CNTN4: variants seen among roughly 807,000 people sequenced by gnomAD.
CNTN4 encodes contactin-4.
CNTN4 carries 77 observed loss-of-function variants against 122.5 expected under a neutral mutation model. That is an observed-to-expected ratio of 0.63 (90% CI 0.52 to 0.76). CNTN4 has a LOEUF of 0.76. Ranked by LOEUF, CNTN4 falls within the 30% of genes least tolerant of loss-of-function variation. CNTN4 has a pLI of 0.00. For missense variants in CNTN4, 1,256 were observed against 1,259.1 expected (o/e 1.00, Z 0.04); for synonymous variants, 512 against 447.0 (o/e 1.15, Z -1.83).
At chr3:2,107,384 G>A (rs1241199306) in intron 2 of CNTN4, among the ~76,000 whole-genome samples, 1 of 152,160 alleles carries the variant, frequency 6.6e-6, no homozygotes, top group Non-Finnish European at 1.5e-5. Context: ...TAAAATCATG[G>A]TGGAAGGGGA....
intron 4 of CNTN4, among the ~76,000 whole-genome samples, chr3:2,704,142 CAA>C (rs2086515332): frequency 6.6e-6 from 1 of 151,270 alleles, no homozygotes; most frequent in Non-Finnish European, 1.5e-5. Context: ...ACTAAAAATA[CAA>C]AAATTAGCCA....
chr3:2,969,191 C>G (rs941639264), intron 13 of CNTN4, among the ~76,000 whole-genome samples: 2 of 152,160 alleles, frequency 1.3e-5, no homozygotes, highest in African/African-American at 4.8e-5. Context: ...TTGTTGGTTT[C>G]ATTCTTAGCC....
At chr3:2,191,701 T>TACACAC (rs1335159198) in intron 2 of CNTN4, among the ~76,000 whole-genome samples, 46 of 32,022 alleles carry the variant, frequency 1.4e-3, no homozygotes, top group Non-Finnish European at 3.0e-3. Flanking sequence ...TATGTATATA[T>TACACAC]ATATATATAC....
chr3:2,947,151 T>C (rs1349251897), intron 13 of CNTN4, among the ~76,000 whole-genome samples: 2 of 152,214 alleles, frequency 1.3e-5, no homozygotes, highest in Non-Finnish European at 2.9e-5. Context: ...TGTTTTCGCA[T>C]TGTAGTTTTT....
chr3:2,581,989 G>C (rs1396915696), intron 4 of CNTN4, among the ~76,000 whole-genome samples: 1 of 152,202 alleles, frequency 6.6e-6, no homozygotes, highest in Non-Finnish European at 1.5e-5. Flanking sequence ...CAGAGCCAAG[G>C]AGTGAGGGAG....
intron 3 of CNTN4, among the ~76,000 whole-genome samples, chr3:2,420,501 T>G (rs2047575451): frequency 6.6e-6 from 1 of 151,900 alleles, no homozygotes; most frequent in Non-Finnish European, 1.5e-5. Flanking sequence ...AGTGGCACAA[T>G]CTCGGGTCAC....
intron 13 of CNTN4, among the ~76,000 whole-genome samples, chr3:2,968,918 C>T (rs77988352): frequency 0.025 from 3,812 of 152,298 alleles, 63 homozygotes; most frequent in Non-Finnish European, 0.038. Flanking sequence ...CTTCAGGTTG[C>T]AAATGACTGA....
intron 3 of CNTN4, among the ~76,000 whole-genome samples, chr3:2,562,892 T>G (rs1184086737): frequency 6.6e-6 from 1 of 151,754 alleles, no homozygotes; most frequent in Non-Finnish European, 1.5e-5. Context: ...GCTGGCTAAC[T>G]TTTAAATTTT....
intron 2 of CNTN4, among the ~76,000 whole-genome samples, chr3:2,244,102 A>G (rs747124603): frequency 1.3e-5 from 2 of 152,062 alleles, no homozygotes; most frequent in Non-Finnish European, 2.9e-5. Context: ...TATATATACT[A>G]TGTTTTTCCT....
chr3:2,837,197 C>CA (rs1003936964), intron 7 of CNTN4, among the ~76,000 whole-genome samples: 20 of 151,864 alleles, frequency 1.3e-4, no homozygotes, highest in African/African-American at 1.5e-4. Context: ...CCTCTTTTTC[C>CA]AAAAAAAGCA....
intron 7 of CNTN4, among the ~76,000 whole-genome samples, chr3:2,852,361 A>G (rs2093562399): frequency 1.3e-5 from 2 of 152,196 alleles, no homozygotes; most frequent in African/African-American, 2.4e-5. Context: ...ATATTAGGGT[A>G]GCTTTATTCC....
At chr3:2,668,398 G>T (rs956745855) in intron 4 of CNTN4, among the ~76,000 whole-genome samples, 2 of 152,208 alleles carry the variant, frequency 1.3e-5, no homozygotes, top group Non-Finnish European at 2.9e-5. Context: ...CTGTTTGTCT[G>T]TTATTGGTAT....
chr3:2,719,548 A>G (rs1452958586), intron 4 of CNTN4, among the ~76,000 whole-genome samples: 1 of 152,074 alleles, frequency 6.6e-6, no homozygotes, highest in Non-Finnish European at 1.5e-5. Flanking sequence ...TCGGCCTCCC[A>G]CAGTGCTGGG....
intron 2 of CNTN4, among the ~76,000 whole-genome samples, chr3:2,222,471 C>T (rs1171236192): frequency 6.6e-6 from 1 of 151,998 alleles, no homozygotes; most frequent in Admixed American, 6.6e-5. Context: ...TGAAAATGTT[C>T]TGAAATTGGG....
intron 4 of CNTN4, among the ~76,000 whole-genome samples, chr3:2,622,448 C>T (rs563242454): frequency 1.2e-4 from 18 of 152,230 alleles, no homozygotes; most frequent in African/African-American, 2.9e-4. Flanking sequence ...TGTGCCACCA[C>T]GCCCAGCTAA....
chr3:2,419,705 G>A (rs956536082), intron 3 of CNTN4, among the ~76,000 whole-genome samples: 6 of 152,140 alleles, frequency 3.9e-5, no homozygotes, highest in African/African-American at 1.4e-4. Flanking sequence ...TGATGAGGAA[G>A]CAAAGAATAT....
At chr3:2,253,115 T>C (rs933685199) in intron 2 of CNTN4, among the ~76,000 whole-genome samples, 2 of 148,464 alleles carry the variant, frequency 1.3e-5, no homozygotes, top group African/African-American at 4.9e-5. Flanking sequence ...AGTAGTTTCA[T>C]TTTTTTTTCA....
intron 2 of CNTN4, among the ~76,000 whole-genome samples, chr3:2,154,076 G>C (rs1227443547): frequency 6.6e-6 from 1 of 151,920 alleles, no homozygotes; most frequent in Non-Finnish European, 1.5e-5. Context: ...AATAATTCCT[G>C]TTGTCTATGA....
chr3:2,239,958 T>C (rs1040101873), intron 2 of CNTN4, among the ~76,000 whole-genome samples: 4 of 152,190 alleles, frequency 2.6e-5, no homozygotes, highest in African/African-American at 9.6e-5. Flanking sequence ...TAGCTCAAGG[T>C]TATCTTGTAT....
Sources: allele counts gnomAD v4.1 joint callset (sites outside exome capture counted in the v4.1 genomes callset), GRCh38; gene constraint gnomAD v4.1.1; transcripts MANE v1.5; gene names NCBI Gene and HGNC (gene_info 2026-07-23, HGNC 2026-07-21).